The following PDLIM5 variants were observed in gnomAD, a reference collection of about 807,000 sequenced individuals.
PDLIM5 encodes PDZ and LIM domain protein 5.
A neutral mutation model predicts 64.2 loss-of-function variants in PDLIM5; 34 were observed. The observed-to-expected ratio is 0.53, with a 90% confidence interval of 0.40 to 0.71. The LOEUF (loss-of-function observed/expected upper bound fraction) is 0.71. PDLIM5 is among the 30% of genes least tolerant of loss of function. The pLI is 0.00. For missense variants in PDLIM5, 683 were observed against 733.6 expected, an observed-to-expected ratio of 0.93 and a Z score of 0.80; for synonymous variants, 253 against 269.1, an observed-to-expected ratio of 0.94 and a Z score of 0.59.
chr4:94,538,439 A>G (rs560459866), intron 3 of PDLIM5, among the ~76,000 whole-genome samples: 1 of 152,324 alleles, frequency 6.6e-6, no homozygotes, highest in Non-Finnish European at 1.5e-5. Context: ...GCTCTGTGAC[A>G]ACTCTGTCAC....
chr4:94,573,316 A>T (rs77148733), intron 3 of PDLIM5, 35 bp from the exon 4 acceptor site: 4 of 1,467,838 alleles, frequency 2.7e-6, no homozygotes, highest in Non-Finnish European at 3.7e-6. Context: ...AAAATTCATT[A>T]TTTTTTTTTT....
At chr4:94,517,358 T>C (rs1344104797) in intron 2 of PDLIM5, among the ~76,000 whole-genome samples, 4 of 152,198 alleles carry the variant, frequency 2.6e-5, no homozygotes, top group Non-Finnish European at 5.9e-5. Context: ...CTGTCAACCA[T>C]AGTCTTATAT....
intron 3 of PDLIM5, 128 bp downstream of exon 3, chr4:94,524,003 A>G: frequency 3.3e-6 from 2 of 613,270 alleles, no homozygotes; most frequent in Admixed American, 5.7e-5. Context: ...TAAAAAATAT[A>G]ATGGCTCTTA....
chr4:94,586,849 C>T (rs9997947), intron 7 of PDLIM5: 51,580 of 785,748 alleles, frequency 0.066, 1,994 homozygotes, highest in South Asian at 0.11. Flanking sequence ...ATTTTTGCCA[C>T]TTAATAAAAC....
intron 2 of PDLIM5, among the ~76,000 whole-genome samples, chr4:94,513,192 A>C (rs570252981): frequency 1.3e-5 from 2 of 152,106 alleles, no homozygotes; most frequent in African/African-American, 4.8e-5. Flanking sequence ...TCTTTGTGCT[A>C]AGGATAGCTT....
chr4:94,589,181 G>A (rs773164833), intron 7 of PDLIM5, among the ~76,000 whole-genome samples: 1 of 152,158 alleles, frequency 6.6e-6, no homozygotes, highest in Non-Finnish European at 1.5e-5. Flanking sequence ...GTGTGGTAGA[G>A]TAAACATGGT....
At chr4:94,551,557 A>G (rs897533994) in intron 3 of PDLIM5, among the ~76,000 whole-genome samples, 1 of 152,116 alleles carries the variant, frequency 6.6e-6, no homozygotes, top group Non-Finnish European at 1.5e-5. Context: ...CATAGCCCAT[A>G]TTTTTAACCG....
intron 3 of PDLIM5, among the ~76,000 whole-genome samples, chr4:94,544,568 C>G (rs756947538): frequency 1.3e-5 from 2 of 152,122 alleles, no homozygotes; most frequent in Non-Finnish European, 2.9e-5. Context: ...CTAGGAGCTG[C>G]GCATCTCCAC....
intron 8 of PDLIM5, among the ~76,000 whole-genome samples, chr4:94,619,317 C>A (rs1432476971): frequency 1.3e-5 from 2 of 151,832 alleles, no homozygotes; most frequent in African/African-American, 4.8e-5. Flanking sequence ...GTCCCCCATA[C>A]CTCCATACTA....
intron 2 of PDLIM5, among the ~76,000 whole-genome samples, chr4:94,520,721 TCA>T (rs1729758960): frequency 6.6e-6 from 1 of 152,204 alleles, no homozygotes; most frequent in African/African-American, 2.4e-5. Context: ...TTCAAGCTGA[TCA>T]TGCCCTTAAG....
chr4:94,504,097 A>T (rs140366204), intron 2 of PDLIM5, among the ~76,000 whole-genome samples: 1,764 of 152,252 alleles, frequency 0.012, 33 homozygotes, highest in African/African-American at 0.041. Flanking sequence ...TCTAATAGAA[A>T]GGTATTTTAG....
At chr4:94,658,783 C>G (rs1416436774) in intron 11 of PDLIM5, among the ~76,000 whole-genome samples, 1 of 152,174 alleles carries the variant, frequency 6.6e-6, no homozygotes, top group African/African-American at 2.4e-5. Context: ...AGTGAAGTAC[C>G]CCATGGGCTG....
intron 8 of PDLIM5, among the ~76,000 whole-genome samples, chr4:94,635,105 C>A (rs1449191788): frequency 3.3e-5 from 5 of 152,046 alleles, no homozygotes; most frequent in Non-Finnish European, 1.5e-5. Context: ...TCATAAATAG[C>A]AATTTTAAAG....
chr4:94,588,170 A>G lies in PDLIM5; in HGVS notation c.920+1726A>G, dbSNP rs1012153561. On this transcript the variant is annotated intron_variant, in intron 7 of 12. Coordinates refer to ENST00000317968, the MANE Select transcript of PDLIM5 (RefSeq NM_006457.5). ...TTTCCTTGAGGCTAGACACAGTGCC[A>G]TCCAGGACTTATTACAGTATAACTG... 5 of 963,686 alleles carry G rather than the reference A, an allele frequency of 5.2e-6. No homozygotes were observed. In the African/African-American group the frequency reaches 8.8e-5, roughly 17 times the overall value. The allele number at this position is 963,686 out of a possible 1,614,324, so 59.7% of individuals were successfully genotyped here. A position where few individuals can be genotyped will look rare whatever the true frequency, so the allele number is the denominator to read the frequency against.
Position 94,664,245 on chromosome 4 carries a change from G to T in PDLIM5, c.*178G>T. The stretch of plus-strand genomic sequence containing the variant: ...GAAATATTTGGCTTCATAAAGTAAA[G>T]AGACGGTTTGGCATTTATTATTACT... On this transcript the variant is annotated 3_prime_UTR_variant, in exon 13 of 13. Transcript: ENST00000317968. The T allele has an allele frequency of 8.9e-7, 1 of 1,123,606 alleles. No individual in the cohort carries two copies. The highest frequency in any genetic ancestry group is 1.1e-6 in the Non-Finnish European group (1 of 899,480). The allele number at this position is 1,123,606 out of a possible 1,614,324, so 69.6% of individuals were successfully genotyped here. A position where few individuals can be genotyped will look rare whatever the true frequency, so the allele number is the denominator to read the frequency against.
chr4:94,662,977 G>A (rs926491562), intron 12 of PDLIM5, among the ~76,000 whole-genome samples: 5 of 152,068 alleles, frequency 3.3e-5, no homozygotes, highest in African/African-American at 1.2e-4. Flanking sequence ...CTTAGCAATA[G>A]CCCCTGGATA....
intron 8 of PDLIM5, among the ~76,000 whole-genome samples, chr4:94,633,118 G>T (rs1740287175): frequency 6.6e-6 from 1 of 152,130 alleles, no homozygotes; most frequent in Non-Finnish European, 1.5e-5. Flanking sequence ...CTCTTTTAGA[G>T]ATTATATTAC....
intron 3 of PDLIM5, among the ~76,000 whole-genome samples, chr4:94,555,089 G>C (rs111322874): frequency 6.6e-6 from 1 of 152,002 alleles, no homozygotes; most frequent in Admixed American, 6.6e-5. Flanking sequence ...GTCTCACTCT[G>C]TTGCCCCAGC....
At position 94,607,787 on chromosome 4, in the gene PDLIM5, G is replaced by T. The variant is rs769117978; in HGVS notation, c.921-10217G>T. Among the ~76,000 whole-genome samples the T allele has an allele frequency of 2.6e-5, 4 of 152,174 alleles. No homozygotes were observed. The East Asian group carries it at 7.7e-4, about 29-fold the overall frequency. On this transcript the variant is annotated intron_variant, in intron 7 of 12. Transcript: ENST00000317968. Reference sequence around the variant, plus strand: ...TTCAAAACACGTAGTCAGTGAATGGGAATTTCCACCTCCTTTTCCCCTGTA... The same window carrying T: ...TTCAAAACACGTAGTCAGTGAATGGTAATTTCCACCTCCTTTTCCCCTGTA...
Sources: gnomAD v4.1 joint callset for allele counts (sites outside exome capture counted in the v4.1 genomes callset) on GRCh38, gnomAD v4.1.1 for gene constraint, MANE v1.5 for transcripts, NCBI Gene and HGNC (gene_info 2026-07-23, HGNC 2026-07-21) for gene names.